The following ARHGAP12 variants were observed in gnomAD, a reference collection of about 807,000 sequenced individuals.
ARHGAP12 encodes the protein Rho GTPase activating protein 12.
Under a neutral mutation model 108.6 loss-of-function variants are expected in ARHGAP12, and 64 were observed. That is an observed-to-expected ratio of 0.59 (90% CI 0.48 to 0.73). The LOEUF is 0.73. Ranked by LOEUF, ARHGAP12 falls within the 30% of genes least tolerant of loss-of-function variation. ARHGAP12 has a pLI of 0.00. For synonymous variants in ARHGAP12, 312 were observed against 337.2 expected, an observed-to-expected ratio of 0.93 and a Z score of 0.82; for missense variants, 940 against 1,005.9, an observed-to-expected ratio of 0.93 and a Z score of 0.89.
chr10:31,826,332 G>A lies in ARHGAP12; in HGVS notation c.1502C>T (p.Thr501Ile). ...AVLQGSSLLF[T>I]KTQGSSTSWF... ...ACTTGTGCTACTTCCTTGAGTTTTG[G>A]TAAAAAGTAAAGATGAACCCTGCAA... The change falls in exon 11 of 20, where the codon ACC becomes ATC. Residue 501 changes from threonine (T) to isoleucine (I), a missense_variant. Physicochemically the swap from Thr to Ile is moderately conservative, Grantham distance 89 (BLOSUM62 -1). Transcript: ENST00000344936. 1 of 1,612,286 alleles carries A rather than the reference G, an allele frequency of 6.2e-7. No homozygotes were observed. Among genetic ancestry groups the A allele is most frequent in the Non-Finnish European group, 8.5e-7 (1 of 1,179,118 alleles).
intron 14 of ARHGAP12, 62 bp from the exon 15 acceptor site, chr10:31,812,885 T>G: frequency 2.2e-6 from 2 of 915,240 alleles, no homozygotes; most frequent in Non-Finnish European, 3.3e-6. Flanking sequence ...ATACAAGTTT[T>G]TCCAGCTAGC....
intron 3 of ARHGAP12, among the ~76,000 whole-genome samples, chr10:31,904,780 C>T (rs892549649): frequency 6.6e-6 from 1 of 151,900 alleles, no homozygotes; most frequent in African/African-American, 2.4e-5. Flanking sequence ...GCACATGCCA[C>T]TACACCCATC....
At position 31,894,452 on chromosome 10, in the gene ARHGAP12, T is replaced by G. The variant is rs1162765965; in HGVS notation, c.684+13720A>C. On this transcript the variant is annotated intron_variant, in intron 3 of 19. Coordinates refer to ENST00000344936, the MANE Select transcript of ARHGAP12 (RefSeq NM_018287.7). ...AATCACAAGCATTCTTATACACCAA[T>G]AACAGACAAACAGAGAGCCAAATCA... 4.9e-4 allele frequency among the ~76,000 whole-genome samples: 75 copies of G among 151,924 alleles called. 1 individual carries two copies. Among genetic ancestry groups the G allele is most frequent in the Non-Finnish European group, 1.5e-5 (1 of 67,952 alleles).
intron 4 of ARHGAP12, among the ~76,000 whole-genome samples, chr10:31,859,878 T>C (rs940790695): frequency 2.6e-5 from 4 of 151,744 alleles, no homozygotes; most frequent in African/African-American, 9.7e-5. Context: ...CACTGCAGTC[T>C]CCACCTCCCG....
At chr10:31,823,466 C>T (rs1325075456) in intron 11 of ARHGAP12, among the ~76,000 whole-genome samples, 2 of 149,506 alleles carry the variant, frequency 1.3e-5, no homozygotes, top group African/African-American at 5.0e-5. Context: ...TTTAACCATC[C>T]ACTCTCTGCC....
chr10:31,836,969 A>G (rs910312817), intron 9 of ARHGAP12, among the ~76,000 whole-genome samples: 1 of 152,134 alleles, frequency 6.6e-6, no homozygotes, highest in Non-Finnish European at 1.5e-5. Flanking sequence ...AACAGAAGAA[A>G]CATTGGCGAG....
chr10:31,919,160 T>C (rs1839684595), intron 1 of ARHGAP12, among the ~76,000 whole-genome samples: 2 of 152,296 alleles, frequency 1.3e-5, no homozygotes, highest in Admixed American at 1.3e-4. Context: ...GTATATAAGG[T>C]ACCTAGAGTA....
At chr10:31,875,047 A>T (rs1412200716) in intron 3 of ARHGAP12, among the ~76,000 whole-genome samples, 2 of 151,000 alleles carry the variant, frequency 1.3e-5, no homozygotes, top group Non-Finnish European at 3.0e-5. Context: ...CTTACAGAAG[A>T]CCATATGTAA....
At chr10:31,918,154 T>C (rs1164251081) in intron 1 of ARHGAP12, among the ~76,000 whole-genome samples, 1 of 152,126 alleles carries the variant, frequency 6.6e-6, no homozygotes, top group Non-Finnish European at 1.5e-5. Flanking sequence ...AGGGTCTTGC[T>C]ATGTTGCTCA....
chr10:31,926,965 T>C (rs1349147600), intron 1 of ARHGAP12, among the ~76,000 whole-genome samples: 1 of 152,236 alleles, frequency 6.6e-6, no homozygotes, highest in Non-Finnish European at 1.5e-5. Flanking sequence ...CAATGAGTCA[T>C]CAGTCTTCTC....
intron 4 of ARHGAP12, 44 bp downstream of exon 4, chr10:31,861,349 AAG>A (rs760296642): frequency 6.5e-7 from 1 of 1,546,706 alleles, no homozygotes; most frequent in South Asian, 1.3e-5. Flanking sequence ...GAATAATGAA[AAG>A]AGAAAATCTG....
intron 1 of ARHGAP12, among the ~76,000 whole-genome samples, chr10:31,915,069 T>A (rs1197439161): frequency 2.0e-5 from 3 of 152,134 alleles, no homozygotes; most frequent in Non-Finnish European, 2.9e-5. Flanking sequence ...CTCACTCACA[T>A]GTGGAATCTA....
At chr10:31,907,845 T>C (rs149866631) in intron 3 of ARHGAP12, among the ~76,000 whole-genome samples, 1 of 152,190 alleles carries the variant, frequency 6.6e-6, no homozygotes, top group Non-Finnish European at 1.5e-5. Flanking sequence ...TTTTTTCTAT[T>C]AGAAGAAATA....
intron 3 of ARHGAP12, among the ~76,000 whole-genome samples, chr10:31,897,339 A>G (rs551262510): frequency 1.0e-3 from 152 of 152,278 alleles, no homozygotes; most frequent in African/African-American, 3.4e-3. Flanking sequence ...AGACACTTGT[A>G]AAATTCACAG....
chr10:31,922,790 C>T (rs573104360), intron 1 of ARHGAP12, among the ~76,000 whole-genome samples: 83 of 152,084 alleles, frequency 5.5e-4, no homozygotes, highest in African/African-American at 1.9e-3. Context: ...AGAGAGAAAA[C>T]ATCCCAACTC....
rs1163388416 is a variant in ARHGAP12, at chr10:31,908,679, G to C, written c.177C>G (p.Ser59=). 2 of 1,613,918 alleles carry C rather than the reference G, an allele frequency of 1.2e-6. No homozygotes were observed. The highest frequency in any genetic ancestry group is 2.7e-5 in the African/African-American group (2 of 74,898). Residue 59 remains serine (S), a synonymous_variant, in exon 3 of 20, where the codon TCC becomes TCG. Transcript: ENST00000344936. ...ACTGGGCTGGCACATAAAACGCTTT[G>C]GAGTTTTCATCTGGCTTGACTTGCC... is the stretch of plus-strand genomic sequence containing the variant. ...DWWQVKPDEN[S]KAFYVPAQYV... is the part of the protein sequence containing the mutation.
intron 1 of ARHGAP12, among the ~76,000 whole-genome samples, chr10:31,926,104 G>C (rs532444065): frequency 6.6e-6 from 1 of 152,310 alleles, no homozygotes; most frequent in East Asian, 1.9e-4. Flanking sequence ...GTGGATATTA[G>C]AAGTGCAGGT....
chr10:31,817,498 A>G (rs1196901307), intron 13 of ARHGAP12, among the ~76,000 whole-genome samples: 1 of 152,202 alleles, frequency 6.6e-6, no homozygotes, highest in Non-Finnish European at 1.5e-5. Context: ...AATAAATACT[A>G]TGTAGTAAGC....
chr10:31,894,892 A>C (rs2132414494), intron 3 of ARHGAP12, among the ~76,000 whole-genome samples: 1 of 152,338 alleles, frequency 6.6e-6, no homozygotes, highest in South Asian at 2.1e-4. Context: ...TACTGGTACC[A>C]AAACAGAGAT....
Sources: gnomAD v4.1 joint callset for allele counts (sites outside exome capture counted in the v4.1 genomes callset) on GRCh38, gnomAD v4.1.1 for gene constraint, MANE v1.5 for transcripts, NCBI Gene and HGNC (gene_info 2026-07-23, HGNC 2026-07-21) for gene names.